ARMC6: variants seen among roughly 807,000 people sequenced by gnomAD.
ARMC6 encodes the protein armadillo repeat containing 6, also known as armadillo repeat-containing protein 6.
A neutral mutation model predicts 49.2 loss-of-function variants in ARMC6; 43 were observed. That is an observed-to-expected ratio of 0.87 (90% confidence interval 0.69 to 1.13). The LOEUF (loss-of-function observed/expected upper bound fraction) is 1.13. ARMC6 is among the 50% of genes most tolerant of loss of function. ARMC6 has a pLI of 0.00. For synonymous variants in ARMC6, 262 were observed against 289.6 expected (o/e 0.90, Z 0.97); for missense variants, 627 against 682.0 (o/e 0.92, Z 0.90).
chr19:19,053,747 G>A (rs2059519365), intron 5 of ARMC6, among the ~76,000 whole-genome samples: 1 of 152,120 alleles, frequency 6.6e-6, no homozygotes, highest in Non-Finnish European at 1.5e-5. Context: ...GGCCACGTCA[G>A]CCCAGTCCGT....
intron 1 of ARMC6, 24 bp from the exon 2 acceptor site, chr19:19,034,107 C>T (rs2059311430): frequency 9.1e-6 from 7 of 769,108 alleles, no homozygotes; most frequent in Non-Finnish European, 1.5e-5. Flanking sequence ...GCTTTATTTT[C>T]ATTCATTTTA....
In ARMC6 at chr19:19,057,683, G is replaced by A; in HGVS notation, c.*55G>A. The A allele has an allele frequency of 1.3e-6, 2 of 1,543,440 alleles. No individual in the cohort carries two copies. The highest frequency in any genetic ancestry group is 1.8e-6 in the Non-Finnish European group (2 of 1,125,514). ...GGTGAGTCGTGTGACTCAGGAATGG[G>A]GGTAGATCCATGTCCTCCACTGTCC... On this transcript the variant is annotated 3_prime_UTR_variant, in exon 9 of 9. Transcript: ENST00000535612.
Position 19,035,106 on chromosome 19 carries a change from C to T in ARMC6, c.29+868C>T, listed in dbSNP as rs577762342. On this transcript the variant is annotated intron_variant, in intron 2 of 8. Coordinates refer to ENST00000535612, the MANE Select transcript of ARMC6 (RefSeq NM_001199196.2). ...GTCTTGATCTCCTGACCTCATGATC[C>T]GCCCGCTTCGGCCTCCCAAAGTGCT... Among the ~76,000 whole-genome samples, 6 of 152,246 alleles carry T rather than the reference C, an allele frequency of 3.9e-5. No individual in the cohort carries two copies. The South Asian group carries it at 8.3e-4, about 21-fold the overall frequency.
At chr19:19,043,487 G>C (rs1374160762) in intron 3 of ARMC6, among the ~76,000 whole-genome samples, 9 of 152,126 alleles carry the variant, frequency 5.9e-5, no homozygotes, top group Admixed American at 1.3e-4. Context: ...ACAAACCCAG[G>C]GTACAGCCTG....
intron 2 of ARMC6, among the ~76,000 whole-genome samples, chr19:19,041,073 A>G (rs910820473): frequency 6.6e-6 from 1 of 151,844 alleles, no homozygotes; most frequent in Non-Finnish European, 1.5e-5. Context: ...GCCTCAAGCC[A>G]TCTTCCTGCC....
At chr19:19,038,556 A>C (rs2059387470) in intron 2 of ARMC6, among the ~76,000 whole-genome samples, 2 of 152,094 alleles carry the variant, frequency 1.3e-5, no homozygotes. Flanking sequence ...GGGTATGCCT[A>C]TACTGGGTTT....
intron 6 of ARMC6, 93 bp downstream of exon 6, chr19:19,054,414 G>A (rs2145878489): frequency 7.6e-7 from 1 of 1,317,056 alleles, no homozygotes; most frequent in Non-Finnish European, 1.0e-6. Flanking sequence ...CTGCCTGCCA[G>A]TGTCGGAACC....
intron 5 of ARMC6, among the ~76,000 whole-genome samples, chr19:19,052,930 T>C (rs563557678): frequency 2.6e-5 from 4 of 152,328 alleles, no homozygotes; most frequent in Non-Finnish European, 2.9e-5. Context: ...TCAGGCTGCT[T>C]TTCCAGGAGG....
At chr19:19,056,054 T>G (rs930322569) in intron 8 of ARMC6, 126 bp downstream of exon 8, 38 of 1,065,276 alleles carry the variant, frequency 3.6e-5, no homozygotes, top group Middle Eastern at 3.3e-4. Context: ...CCTATCCCTA[T>G]CCCTGTCCCT....
intron 4 of ARMC6, among the ~76,000 whole-genome samples, chr19:19,045,745 G>A (rs566727655): frequency 1.1e-4 from 17 of 151,170 alleles, no homozygotes; most frequent in Middle Eastern, 3.4e-3. Flanking sequence ...TCTGCCTCCT[G>A]GGCTCACGCC....
Position 19,055,354 on chromosome 19 carries a change from G to A in ARMC6, c.1113G>A (p.Glu371=). The change falls in exon 7 of 9, where the codon GAG becomes GAA. Residue 371 remains glutamate (E), a synonymous_variant. Coordinates refer to ENST00000535612, the MANE Select transcript of ARMC6 (RefSeq NM_001199196.2). The surrounding 1 kb of genome is among the most constrained non-coding windows in gnomAD (Gnocchi z 5.7). ...KDAIVRAGGT[E]SIVAAMTQHL... ...CTATTGTCCGTGCTGGTGGGACGGA[G>A]TCCATCGTGGCTGCTATGACCCAGC... The A allele has an allele frequency of 1.9e-6, 3 of 1,613,092 alleles. No homozygotes were observed. The highest frequency in any genetic ancestry group is 1.1e-5 in the South Asian group (1 of 90,984).
At chr19:19,033,978 G>A (rs1382030872) in intron 1 of ARMC6, 48 bp downstream of exon 1, 2 of 538,666 alleles carry the variant, frequency 3.7e-6, no homozygotes, top group African/African-American at 3.9e-5. Flanking sequence ...AGTGGGGAGT[G>A]GGGGTGCCGC....
intron 4 of ARMC6, among the ~76,000 whole-genome samples, chr19:19,050,738 T>C (rs2059489080): frequency 1.3e-5 from 2 of 152,232 alleles, no homozygotes; most frequent in Non-Finnish European, 2.9e-5. Flanking sequence ...TATACTTAGG[T>C]CCACAAATCT....
In ARMC6 at chr19:19,035,923, G is replaced by T. The variant is rs118104025; in HGVS notation, c.29+1685G>T. Among the ~76,000 whole-genome samples the T allele has an allele frequency of 8.6e-3, 1,304 of 152,280 alleles. 14 individuals are homozygous for T. Among genetic ancestry groups the T allele is most frequent in the Middle Eastern group, 0.027 (8 of 294 alleles). On this transcript the variant is annotated intron_variant, in intron 2 of 8. Coordinates refer to ENST00000535612, the MANE Select transcript of ARMC6 (RefSeq NM_001199196.2). ...ATGAATATGTGTAAGATGGTCACAG[G>T]TAGAGACAAATGATTGCTTTCTTTT... is the stretch of plus-strand genomic sequence containing the variant.
intron 2 of ARMC6, among the ~76,000 whole-genome samples, chr19:19,038,013 C>T (rs796576192): frequency 6.6e-6 from 1 of 152,188 alleles, no homozygotes; most frequent in African/African-American, 2.4e-5. Context: ...TGCATTATGC[C>T]TGAGCTCTAC....
chr19:19,039,672 C>T (rs749728942), intron 2 of ARMC6, among the ~76,000 whole-genome samples: 26 of 152,136 alleles, frequency 1.7e-4, no homozygotes, highest in Non-Finnish European at 1.5e-4. Context: ...GCTTCTTTGA[C>T]GAGACATCAT....
intron 4 of ARMC6, among the ~76,000 whole-genome samples, chr19:19,049,259 C>T (rs2059477192): frequency 6.6e-6 from 1 of 151,924 alleles, no homozygotes; most frequent in African/African-American, 2.4e-5. Flanking sequence ...TACCACGTTG[C>T]CCAGGCTGGT....
intron 8 of ARMC6, among the ~76,000 whole-genome samples, chr19:19,056,828 G>A (rs1409961554): frequency 6.6e-6 from 1 of 152,156 alleles, no homozygotes; most frequent in African/African-American, 2.4e-5. Flanking sequence ...CTTTGCTCTC[G>A]CTGGCTCTTA....
In ARMC6 at chr19:19,033,645, G is replaced by A. The variant is rs1403788197; in HGVS notation, c.-365G>A. The A allele has an allele frequency of 9.8e-7, 1 of 1,024,612 alleles. No homozygotes were observed. Among genetic ancestry groups the A allele is most frequent in the Non-Finnish European group, 1.2e-6 (1 of 821,678 alleles). The allele number at this position is 1,024,612 out of a possible 1,614,324, so 63.5% of individuals were successfully genotyped here. A position where few individuals can be genotyped will look rare whatever the true frequency, so the allele number is the denominator to read the frequency against. On this transcript the variant is annotated 5_prime_UTR_variant, in exon 1 of 9. Transcript: ENST00000535612. The stretch of plus-strand genomic sequence containing the variant: ...CGCAAGCGCGCTGTCCGCTTCTTCT[G>A]GGCGGACGCTCTGGAGGCAAAACAT...
Sources: gnomAD v4.1 joint callset for allele counts (sites outside exome capture counted in the v4.1 genomes callset) on GRCh38, gnomAD v4.1.1 for gene constraint, Gnocchi (gnomAD v3.1) non-coding constraint, MANE v1.5 for transcripts, NCBI Gene and HGNC (gene_info 2026-07-23, HGNC 2026-07-21) for gene names.